MYO3B: variants seen among roughly 807,000 people sequenced by gnomAD.
MYO3B encodes the protein myosin-IIIb.
In MYO3B, 156 loss-of-function variants were observed where a neutral mutation model predicts 174.6. The ratio of observed to expected loss-of-function variants is 0.89; its 90% CI spans 0.78 to 1.02. The LOEUF is 1.02. Ranked by LOEUF, MYO3B falls within the 50% of genes least tolerant of loss-of-function variation. The pLI, the probability that MYO3B is intolerant of heterozygous loss-of-function variation, is 0.00. For missense variants in MYO3B, 1,632 were observed against 1,639.4 expected (o/e 1.00, Z 0.08); for synonymous variants, 563 against 569.1 (o/e 0.99, Z 0.15).
At chr2:170,470,739 ATTGT>A (rs1183732287) in intron 25 of MYO3B, among the ~76,000 whole-genome samples, 4 of 152,008 alleles carry the variant, frequency 2.6e-5, no homozygotes, top group Admixed American at 6.6e-5. Context: ...AACATTTATT[ATTGT>A]TTGTCTTTTT....
chr2:170,450,842 A>T (rs530258506), intron 23 of MYO3B, among the ~76,000 whole-genome samples: 8 of 152,298 alleles, frequency 5.3e-5, no homozygotes, highest in Admixed American at 4.6e-4. Context: ...ATTCAGACAC[A>T]TGGGCCCAGA....
chr2:170,387,706 T>C (rs1011889210), intron 14 of MYO3B, among the ~76,000 whole-genome samples: 1 of 152,190 alleles, frequency 6.6e-6, no homozygotes, highest in African/African-American at 2.4e-5. Flanking sequence ...ACAATTATTC[T>C]GTTTTTAGGG....
At chr2:170,400,395 G>A (rs1347608048) in intron 17 of MYO3B, 81 bp downstream of exon 17, 5 of 1,415,158 alleles carry the variant, frequency 3.5e-6, no homozygotes, top group East Asian at 2.4e-5. Flanking sequence ...TGCAGCATTT[G>A]CTGGTCCTTT....
At chr2:170,480,940 A>G (rs1242162215) in intron 25 of MYO3B, among the ~76,000 whole-genome samples, 1 of 152,214 alleles carries the variant, frequency 6.6e-6, no homozygotes, top group East Asian at 1.9e-4. Context: ...GAATATCATC[A>G]GTTAACATTG....
intron 7 of MYO3B, among the ~76,000 whole-genome samples, chr2:170,298,412 C>T (rs948891920): frequency 1.3e-5 from 2 of 152,152 alleles, no homozygotes; most frequent in African/African-American, 2.4e-5. Context: ...TGCAGTGGCT[C>T]ATGCCTGTAA....
rs7575894 is a variant in MYO3B, at chr2:170,456,386, G to A, written c.2731-6982G>A. Among the ~76,000 whole-genome samples, 1,266 of 152,234 alleles carry A rather than the reference G, an allele frequency of 8.3e-3. 16 individuals carry two copies. Among genetic ancestry groups the A allele is most frequent in the African/African-American group, 0.028 (1,180 of 41,520 alleles). ...TAATTGTTTTCTTTGGTGGGTCTAG[G>A]CTTTAGGCAGATAAATGAATTTCAG... On this transcript the variant is annotated intron_variant, in intron 23 of 34. Transcript: ENST00000408978.
intron 7 of MYO3B, among the ~76,000 whole-genome samples, chr2:170,308,018 G>A (rs1455591638): frequency 4.6e-5 from 7 of 152,176 alleles, no homozygotes; most frequent in Admixed American, 3.3e-4. Flanking sequence ...TATCTCAACT[G>A]AGAATGGGAA....
intron 32 of MYO3B, among the ~76,000 whole-genome samples, chr2:170,605,171 C>T (rs1036028148): frequency 2.0e-5 from 3 of 152,186 alleles, no homozygotes; most frequent in Admixed American, 6.5e-5. Context: ...CAGCATTTGA[C>T]AAGGCTGACC....
At chr2:170,546,359 T>C (rs772437738) in intron 32 of MYO3B, among the ~76,000 whole-genome samples, 13 of 152,186 alleles carry the variant, frequency 8.5e-5, no homozygotes, top group Non-Finnish European at 1.6e-4. Context: ...AAAGTGGTGA[T>C]GAAATATAAT....
intron 22 of MYO3B, among the ~76,000 whole-genome samples, chr2:170,409,417 A>C (rs938006990): frequency 5.3e-5 from 8 of 152,222 alleles, no homozygotes; most frequent in Non-Finnish European, 1.0e-4. Flanking sequence ...CACTTGATAG[A>C]AACAAAAGTG....
At chr2:170,263,093 T>C (rs1245717496) in intron 7 of MYO3B, among the ~76,000 whole-genome samples, 2 of 152,108 alleles carry the variant, frequency 1.3e-5, no homozygotes, top group African/African-American at 4.8e-5. Context: ...CAGACTTTGG[T>C]TATTTATTGC....
intron 28 of MYO3B, among the ~76,000 whole-genome samples, chr2:170,509,263 G>A (rs1687814499): frequency 1.3e-5 from 2 of 152,154 alleles, no homozygotes; most frequent in African/African-American, 4.8e-5. Context: ...AGGCTGAGCA[G>A]GGAGGATTGC....
chr2:170,236,607 G>GT (rs1483155584), intron 7 of MYO3B, among the ~76,000 whole-genome samples: 1 of 152,084 alleles, frequency 6.6e-6, no homozygotes, highest in Non-Finnish European at 1.5e-5. Context: ...CTTAATTTCC[G>GT]TCTCAGTGGA....
Position 170,465,032 on chromosome 2 carries a change from A to ATT in MYO3B, c.2809-1463_2809-1462dup, listed in dbSNP as rs34373546. ...CAGGTACGTGCCACCATGCCTGGCA[A>ATT]TTTTTTTTTTTTGTATTTTCACTAG... On this transcript the variant is annotated intron_variant, in intron 24 of 34. Coordinates refer to ENST00000408978, the MANE Select transcript of MYO3B (RefSeq NM_138995.5). 6.1e-3 allele frequency among the ~76,000 whole-genome samples: 884 copies of ATT among 145,934 alleles called. 6 individuals are homozygous for ATT. Among genetic ancestry groups the ATT allele is most frequent in the African/African-American group, 8.1e-3 (323 of 39,836 alleles).
At chr2:170,327,986 C>T (rs1340584254) in intron 7 of MYO3B, among the ~76,000 whole-genome samples, 1 of 151,694 alleles carries the variant, frequency 6.6e-6, no homozygotes, top group Non-Finnish European at 1.5e-5. Context: ...ACTGCAGCCC[C>T]GACCTCCCAG....
At chr2:170,608,213 A>G (rs1170502271) in intron 32 of MYO3B, among the ~76,000 whole-genome samples, 1 of 152,234 alleles carries the variant, frequency 6.6e-6, no homozygotes, top group Non-Finnish European at 1.5e-5. Context: ...GTCTCAAAAA[A>G]GAATAGTTAC....
intron 8 of MYO3B, among the ~76,000 whole-genome samples, chr2:170,336,635 T>C (rs190494918): frequency 2.3e-4 from 35 of 152,322 alleles, no homozygotes; most frequent in African/African-American, 8.4e-4. Context: ...ATGTGAATAT[T>C]CATGTGTTTG....
chr2:170,257,587 A>G (rs112918201), intron 7 of MYO3B, among the ~76,000 whole-genome samples: 384 of 152,288 alleles, frequency 2.5e-3, no homozygotes, highest in African/African-American at 8.8e-3. Context: ...CAGCAAAACC[A>G]GCGTTAAGAG....
Position 170,515,738 on chromosome 2 carries a change from T to TA in MYO3B, c.3472+717dup, listed in dbSNP as rs1377254387. On this transcript the variant is annotated intron_variant, in intron 29 of 34. Transcript: ENST00000408978. Reference sequence around the variant, plus strand: ...AAGATTTTGTGGTAGAATTTACAGTTACAGTTTATCTGCCAGCCCCAGCGC... The same window carrying TA: ...AAGATTTTGTGGTAGAATTTACAGTTAACAGTTTATCTGCCAGCCCCAGCGC... Among the ~76,000 whole-genome samples the TA allele has an allele frequency of 2.0e-5, 3 of 152,188 alleles. No individual in the cohort carries two copies. In the East Asian group the frequency reaches 5.8e-4, roughly 30 times the overall value.
Sources: allele counts gnomAD v4.1 joint callset (sites outside exome capture counted in the v4.1 genomes callset), GRCh38; gene constraint gnomAD v4.1.1; transcripts MANE v1.5; gene names NCBI Gene and HGNC (gene_info 2026-07-23, HGNC 2026-07-21).